HECW1: variants seen among roughly 807,000 people sequenced by gnomAD.
The protein encoded by HECW1 is HECT, C2 and WW domain containing E3 ubiquitin protein ligase 1, also known as E3 ubiquitin-protein ligase HECW1.
HECW1 carries 61 observed loss-of-function variants against 182.3 expected under a neutral mutation model. The ratio of observed to expected loss-of-function variants is 0.33; its 90% confidence interval spans 0.27 to 0.41. The LOEUF is 0.41. Ranked by LOEUF, HECW1 falls within the 10% of genes least tolerant of loss-of-function variation. The probability of loss-of-function intolerance (pLI) is 1.00; values close to 1 mark genes in which losing one functional copy is unlikely to be tolerated. For missense variants in HECW1, 1,739 were observed against 2,108.9 expected (o/e 0.82, Z 3.44); for synonymous variants, 859 against 832.6 (o/e 1.03, Z -0.55).
chr7:43,128,820 C>T (rs1786570414), intron 2 of HECW1, among the ~76,000 whole-genome samples: 1 of 152,060 alleles, frequency 6.6e-6, no homozygotes, highest in Non-Finnish European at 1.5e-5. Flanking sequence ...ATTAACAGGA[C>T]TTTGGAAGAC....
intron 2 of HECW1, among the ~76,000 whole-genome samples, chr7:43,143,842 A>G (rs746567234): frequency 1.3e-5 from 2 of 152,052 alleles, no homozygotes; most frequent in Non-Finnish European, 2.9e-5. Context: ...TAAGTTAGAA[A>G]TTTTTCCAGC....
chr7:43,321,082 G>T (rs1409519490), intron 5 of HECW1, among the ~76,000 whole-genome samples: 1 of 152,174 alleles, frequency 6.6e-6, no homozygotes, highest in East Asian at 1.9e-4. Context: ...GCCATAGTTA[G>T]ACCAGGTCTT....
At chr7:43,502,258 C>T (rs2079393188) in intron 21 of HECW1, among the ~76,000 whole-genome samples, 2 of 152,158 alleles carry the variant, frequency 1.3e-5, no homozygotes, top group Non-Finnish European at 2.9e-5. Context: ...AAAATTATTC[C>T]TCCTGTTTTC....
intron 17 of HECW1, among the ~76,000 whole-genome samples, chr7:43,488,492 A>AAGAAAGAAAGAAAGAAAG (rs1563046885): frequency 9.8e-5 from 13 of 132,530 alleles, no homozygotes; most frequent in African/African-American, 3.7e-4. Context: ...AAGAAAGAGA[A>AAGAAAGAAAGAAAGAAAG]AGAAAGAAAG....
intron 3 of HECW1, among the ~76,000 whole-genome samples, chr7:43,307,919 C>CATATATATATATAT (rs1807828334): frequency 2.8e-5 from 3 of 108,338 alleles, no homozygotes; most frequent in African/African-American, 9.2e-5. Flanking sequence ...TATATATATA[C>CATATATATATATAT]ACACACACAT....
chr7:43,428,313 T>C (rs933415115), intron 8 of HECW1, among the ~76,000 whole-genome samples: 2 of 152,230 alleles, frequency 1.3e-5, no homozygotes, highest in African/African-American at 4.8e-5. Flanking sequence ...CCCTGGATTG[T>C]ATTCCATTTT....
chr7:43,535,096 A>G (rs1248181655), intron 24 of HECW1, among the ~76,000 whole-genome samples: 1 of 152,236 alleles, frequency 6.6e-6, no homozygotes, highest in Non-Finnish European at 1.5e-5. Flanking sequence ...AAACCAAGGC[A>G]GCCTAACATC....
intron 5 of HECW1, among the ~76,000 whole-genome samples, chr7:43,329,902 A>G (rs1365668938): frequency 1.2e-4 from 18 of 152,194 alleles, no homozygotes; most frequent in Admixed American, 1.2e-3. Context: ...TGCAGATTCC[A>G]TAGGCAAGAG....
At chr7:43,204,732 A>G (rs1795303604) in intron 2 of HECW1, among the ~76,000 whole-genome samples, 1 of 152,208 alleles carries the variant, frequency 6.6e-6, no homozygotes, top group Non-Finnish European at 1.5e-5. Flanking sequence ...AAAGGAAGGT[A>G]AGGGGGTGGT....
Position 43,286,621 on chromosome 7 carries a change from C to T in HECW1, c.28-25142C>T, listed in dbSNP as rs560265397. 6.0e-4 allele frequency among the ~76,000 whole-genome samples: 92 copies of T among 152,198 alleles called. No individual in the cohort carries two copies. The South Asian group carries it at 0.014, about 24-fold the overall frequency. ...TACTTCTATTGGCAAATGCAGTTTTCGTTTGTCACTTTTTAAATGATTTTT... is the reference window on the plus strand; with the variant it reads ...TACTTCTATTGGCAAATGCAGTTTTTGTTTGTCACTTTTTAAATGATTTTT... On this transcript the variant is annotated intron_variant, in intron 3 of 29. Coordinates refer to ENST00000395891, the MANE Select transcript of HECW1 (RefSeq NM_015052.5).
At chr7:43,127,883 C>CT (rs141748005) in intron 2 of HECW1, among the ~76,000 whole-genome samples, 36,794 of 147,172 alleles carry the variant, frequency 0.25, 4,547 homozygotes, top group Non-Finnish European at 0.28. Context: ...ATTGATTTTC[C>CT]TTTTTTTTTT....
intron 5 of HECW1, among the ~76,000 whole-genome samples, chr7:43,351,989 G>A (rs1181672746): frequency 6.6e-6 from 1 of 151,990 alleles, no homozygotes; most frequent in East Asian, 1.9e-4. Flanking sequence ...TTTTTGACAG[G>A]CTTTAGATTT....
intron 8 of HECW1, among the ~76,000 whole-genome samples, chr7:43,422,927 C>CCGAGAGTCGAGAGT (rs112495941): frequency 6.6e-6 from 1 of 151,392 alleles, no homozygotes; most frequent in Non-Finnish European, 1.5e-5. Context: ...CAGTGCCTGG[C>CCGAGAGTCGAGAGT]CGAGAGTCGT....
chr7:43,417,085 T>A (rs925682755), intron 8 of HECW1, among the ~76,000 whole-genome samples: 3 of 152,318 alleles, frequency 2.0e-5, no homozygotes, highest in Admixed American at 6.5e-5. Flanking sequence ...AGTTTCACTC[T>A]GGTCGCCCAG....
intron 24 of HECW1, among the ~76,000 whole-genome samples, chr7:43,520,469 G>A (rs565433054): frequency 5.3e-5 from 8 of 152,110 alleles, no homozygotes; most frequent in Admixed American, 2.6e-4. Context: ...CCATATGTGC[G>A]CGATTGTTTC....
intron 6 of HECW1, among the ~76,000 whole-genome samples, chr7:43,373,122 C>T (rs10278218): frequency 0.4 from 60,310 of 151,380 alleles, 12,949 homozygotes; most frequent in African/African-American, 0.55. Context: ...AGCAGACTAA[C>T]GGTGCTGGGA....
intron 6 of HECW1, among the ~76,000 whole-genome samples, chr7:43,375,370 C>A (rs1292169690): frequency 6.6e-6 from 1 of 151,874 alleles, no homozygotes. Flanking sequence ...TTCTCAAGCA[C>A]GTAAAAATAG....
intron 3 of HECW1, among the ~76,000 whole-genome samples, chr7:43,252,308 T>C (rs1800125574): frequency 6.6e-6 from 1 of 152,208 alleles, no homozygotes; most frequent in Admixed American, 6.5e-5. Flanking sequence ...AGTTGTCTGA[T>C]GCTCACTCCC....
intron 2 of HECW1, among the ~76,000 whole-genome samples, chr7:43,237,183 AGGTAGGT>A (rs1279706787): frequency 6.8e-6 from 1 of 146,114 alleles, no homozygotes; most frequent in African/African-American, 2.7e-5. Context: ...GTAGGTAGGT[AGGTAGGT>A]AAAGTGTGAC....
Sources: gnomAD v4.1 joint callset for allele counts (sites outside exome capture counted in the v4.1 genomes callset) on GRCh38, gnomAD v4.1.1 for gene constraint, MANE v1.5 for transcripts, NCBI Gene and HGNC (gene_info 2026-07-23, HGNC 2026-07-21) for gene names.